LAMA2: variants seen among roughly 807,000 people sequenced by gnomAD.
The protein encoded by LAMA2 is laminin subunit alpha 2.
A neutral mutation model predicts 364.8 loss-of-function variants in LAMA2; 269 were observed. The ratio of observed to expected loss-of-function variants is 0.74; its 90% CI spans 0.67 to 0.82. The LOEUF (loss-of-function observed/expected upper bound fraction) is 0.82. LAMA2 is among the 40% of genes least tolerant of loss of function. The probability of loss-of-function intolerance (pLI) is 0.00; values close to 1 mark genes in which losing one functional copy is unlikely to be tolerated. For synonymous variants in LAMA2, 1,379 were observed against 1,370.6 expected (o/e 1.01, Z -0.14); for missense variants, 3,807 against 3,873.2 (o/e 0.98, Z 0.45).
intron 1 of LAMA2, among the ~76,000 whole-genome samples, chr6:129,035,512 T>G (rs557326394): frequency 4.2e-4 from 59 of 141,598 alleles, no homozygotes; most frequent in African/African-American, 1.5e-3. Flanking sequence ...TTAGTTTAAT[T>G]AAGTCCCATT....
intron 2 of LAMA2, among the ~76,000 whole-genome samples, chr6:129,052,940 A>G (rs12195064): frequency 0.19 from 28,159 of 152,038 alleles, 3,305 homozygotes; most frequent in African/African-American, 0.33. Flanking sequence ...TATTTCAGCA[A>G]TTGACACTTG....
At chr6:129,406,954 C>G (rs2114703484) in intron 40 of LAMA2, among the ~76,000 whole-genome samples, 1 of 152,324 alleles carries the variant, frequency 6.6e-6, no homozygotes, top group Admixed American at 6.5e-5. Context: ...TGGCAAACCC[C>G]TGGTGTAAGT....
At chr6:129,146,179 A>G (rs1435256074) in intron 5 of LAMA2, among the ~76,000 whole-genome samples, 1 of 151,894 alleles carries the variant, frequency 6.6e-6, no homozygotes, top group Non-Finnish European at 1.5e-5. Context: ...GTGTGTGTAT[A>G]ATTGGAATAA....
chr6:128,987,136 T>A (rs9482968), intron 1 of LAMA2, among the ~76,000 whole-genome samples: 1 of 105,066 alleles, frequency 9.5e-6, no homozygotes, highest in South Asian at 3.3e-4. Flanking sequence ...GTTTTTTTTT[T>A]TTTGTTTTTT....
At position 129,516,548 on chromosome 6, in the gene LAMA2, C is replaced by CTGAT. The variant is rs1787101427; in HGVS notation, c.*203_*206dup. On this transcript the variant is annotated 3_prime_UTR_variant, in exon 65 of 65. Transcript: ENST00000421865. ...TCTCAAGTCTATAAATAATATTAAA[C>CTGAT]TGATTATTTCATTCTAAATAATTGC... 8 of 583,862 alleles carry CTGAT rather than the reference C, an allele frequency of 1.4e-5. No homozygotes were observed. The highest frequency in any genetic ancestry group is 9.0e-5 in the East Asian group (3 of 33,232). 36.2% of individuals were successfully genotyped at this position (583,862 alleles called of 1,614,324 possible).
chr6:129,477,539 T>C (rs371342769), intron 53 of LAMA2, among the ~76,000 whole-genome samples: 1 of 152,158 alleles, frequency 6.6e-6, no homozygotes, highest in East Asian at 1.9e-4. Context: ...TTAGATCACT[T>C]GCAACATCTG....
intron 12 of LAMA2, among the ~76,000 whole-genome samples, chr6:129,219,382 C>G (rs915157716): frequency 1.3e-5 from 2 of 151,432 alleles, no homozygotes; most frequent in Non-Finnish European, 3.0e-5. Context: ...GTTGGTGGGA[C>G]TGTAAACTAG....
intron 12 of LAMA2, among the ~76,000 whole-genome samples, chr6:129,234,470 G>A (rs1052181348): frequency 6.6e-6 from 1 of 152,058 alleles, no homozygotes; most frequent in Non-Finnish European, 1.5e-5. Flanking sequence ...TAACAAAGAT[G>A]AGAAGTAAGT....
intron 1 of LAMA2, among the ~76,000 whole-genome samples, chr6:128,943,825 A>G (rs1780329274): frequency 6.6e-6 from 1 of 152,214 alleles, no homozygotes; most frequent in African/African-American, 2.4e-5. Flanking sequence ...GACAGGAGGT[A>G]CTTTATTAAG....
At chr6:129,122,453 C>T (rs1356369661) in intron 4 of LAMA2, among the ~76,000 whole-genome samples, 4 of 152,122 alleles carry the variant, frequency 2.6e-5, no homozygotes. Context: ...AACTATGGCC[C>T]AGCAAGCTTT....
At chr6:129,337,842 A>G (rs1390381376) in intron 29 of LAMA2, among the ~76,000 whole-genome samples, 1 of 152,180 alleles carries the variant, frequency 6.6e-6, no homozygotes, top group Admixed American at 6.5e-5. Flanking sequence ...TCCAAAATAT[A>G]GGAATTTCCC....
chr6:128,899,638 T>G (rs943621729), intron 1 of LAMA2, among the ~76,000 whole-genome samples: 2 of 152,190 alleles, frequency 1.3e-5, no homozygotes, highest in African/African-American at 4.8e-5. Context: ...TATGAATGAA[T>G]GTTTGTATAA....
At chr6:129,380,873 A>T (rs1778644275) in intron 34 of LAMA2, among the ~76,000 whole-genome samples, 1 of 152,206 alleles carries the variant, frequency 6.6e-6, no homozygotes, top group African/African-American at 2.4e-5. Flanking sequence ...AATGCATGTG[A>T]ATGATGACTC....
chr6:129,292,421 G>A (rs1789768234), intron 20 of LAMA2, among the ~76,000 whole-genome samples: 1 of 152,208 alleles, frequency 6.6e-6, no homozygotes, highest in Non-Finnish European at 1.5e-5. Flanking sequence ...TCATTTAAAA[G>A]CTACTTCCTG....
intron 21 of LAMA2, 64 bp downstream of exon 21, chr6:129,297,929 A>G: frequency 1.4e-6 from 2 of 1,382,658 alleles, no homozygotes; most frequent in Non-Finnish European, 1.0e-6. Flanking sequence ...GACTTCTGTA[A>G]CAGTTTGTTC....
At chr6:129,167,796 C>T (rs1215989091) in intron 9 of LAMA2, among the ~76,000 whole-genome samples, 1 of 151,700 alleles carries the variant, frequency 6.6e-6, no homozygotes, top group African/African-American at 2.4e-5. Flanking sequence ...TAAAAGTGTT[C>T]CTATTTCTCC....
chr6:129,180,989 A>T (rs1780892140), intron 10 of LAMA2, among the ~76,000 whole-genome samples: 1 of 152,066 alleles, frequency 6.6e-6, no homozygotes, highest in Admixed American at 6.6e-5. Flanking sequence ...ATGCTTTCAG[A>T]CAGTGAAATG....
chr6:129,220,625 G>T (rs1783760577), intron 12 of LAMA2, among the ~76,000 whole-genome samples: 1 of 152,056 alleles, frequency 6.6e-6, no homozygotes, highest in Non-Finnish European at 1.5e-5. Context: ...AGTGAGCTTT[G>T]AAGCTTTTTG....
chr6:129,486,610 A>C lies in LAMA2; in HGVS notation c.7886A>C (p.Glu2629Ala). The change falls in exon 56 of 65, where the codon GAG becomes GCG. Residue 2629 changes from glutamate (E) to alanine (A), a missense_variant. Around this residue, in one of 3 missense-constraint regions of LAMA2, gnomAD observed 3,333 missense variants for 3,345.7 expected, o/e 1.00. Coordinates refer to ENST00000421865, the MANE Select transcript of LAMA2 (RefSeq NM_000426.4). ...HDGREHSVHV[E>A]RTRGIFTVQV... The stretch of plus-strand genomic sequence containing the variant: ...GGAAGAGAACATTCCGTTCATGTAG[A>C]GCGAACTAGAGGGTAACAATAGCAC... 6.2e-7 allele frequency: 1 copy of C among 1,613,780 alleles called. No homozygotes were observed. Among genetic ancestry groups the C allele is most frequent in the Non-Finnish European group, 8.5e-7 (1 of 1,179,688 alleles).
Sources: gnomAD v4.1 joint callset for allele counts (sites outside exome capture counted in the v4.1 genomes callset) on GRCh38, gnomAD v4.1.1 for gene constraint, gnomAD v4.1.1 regional missense constraint, MANE v1.5 for transcripts, NCBI Gene and HGNC (gene_info 2026-07-23, HGNC 2026-07-21) for gene names.